Variants in DST observed in about 807,000 individuals in gnomAD.
The protein encoded by DST is bullous pemphigoid antigen.
Under a neutral mutation model 875.2 loss-of-function variants are expected in DST, and 253 were observed. The observed-to-expected ratio is 0.29, with a 90% CI of 0.26 to 0.32. The LOEUF (loss-of-function observed/expected upper bound fraction) is 0.32, where lower values mean the gene tolerates loss of function less well. Among genes scored for constraint, DST ranks in the 10% least tolerant of loss-of-function variants. DST has a pLI of 1.00. For missense variants in DST, 8,287 were observed against 9,111.6 expected, an observed-to-expected ratio of 0.91 and a Z score of 3.68; for synonymous variants, 3,124 against 3,197.1, an observed-to-expected ratio of 0.98 and a Z score of 0.77.
chr6:56,951,294 A>C (rs1292445882), intron 2 of DST, among the ~76,000 whole-genome samples: 1 of 152,232 alleles, frequency 6.6e-6, no homozygotes, highest in East Asian at 1.9e-4. Context: ...AAATGCTGAA[A>C]GTGAGTTAAT....
intron 52 of DST, 102 bp downstream of exon 52, chr6:56,572,645 C>T: frequency 1.2e-6 from 1 of 843,416 alleles, no homozygotes; most frequent in Non-Finnish European, 1.8e-6. Context: ...AATCTATAAG[C>T]AATTAAAATG....
chr6:56,616,731 C>T, intron 36 of DST: 1 of 1,614,200 alleles, frequency 6.2e-7, no homozygotes, highest in Non-Finnish European at 8.5e-7. Context: ...ATCTGGGCTT[C>T]CAAGATATGT....
chr6:56,864,605 T>G (rs573283603), intron 3 of DST, among the ~76,000 whole-genome samples: 1 of 152,186 alleles, frequency 6.6e-6, no homozygotes, highest in Admixed American at 6.5e-5. Flanking sequence ...CTTAACATCT[T>G]TAACTTGCTC....
intron 56 of DST, 128 bp downstream of exon 56, chr6:56,562,010 A>G: frequency 2.0e-6 from 1 of 497,266 alleles, no homozygotes; most frequent in Non-Finnish European, 3.4e-6. Flanking sequence ...GATTGTGACT[A>G]TTAGATTAAA....
At chr6:56,648,483 G>T in intron 13 of DST, 87 bp downstream of exon 13, 3 of 1,329,244 alleles carry the variant, frequency 2.3e-6, no homozygotes, top group South Asian at 1.7e-5. Flanking sequence ...AACTTTTGTT[G>T]AACTTCTAAA....
At chr6:56,709,036 C>T (rs529875683) in intron 5 of DST, among the ~76,000 whole-genome samples, 19 of 152,074 alleles carry the variant, frequency 1.2e-4, no homozygotes, top group Non-Finnish European at 2.5e-4. Context: ...GAGGAAGTGA[C>T]GAGCAAAGTA....
At chr6:56,903,745 A>T (rs1432382861) in intron 2 of DST, among the ~76,000 whole-genome samples, 1 of 152,208 alleles carries the variant, frequency 6.6e-6, no homozygotes, top group Non-Finnish European at 1.5e-5. Context: ...GGTGTAAGCC[A>T]TCGCATGCGG....
At chr6:56,819,757 T>C (rs35081015) in intron 4 of DST, among the ~76,000 whole-genome samples, 23,331 of 152,200 alleles carry the variant, frequency 0.15, 2,038 homozygotes, top group Non-Finnish European at 0.18. Context: ...AATGTTGCAA[T>C]GAACAAAATG....
intron 59 of DST, among the ~76,000 whole-genome samples, chr6:56,556,378 G>C (rs2097418637): frequency 6.6e-6 from 1 of 152,028 alleles, no homozygotes. Flanking sequence ...AGAATGTATA[G>C]GCTCAACTTG....
rs60577627 is a variant in DST at position 56,605,673 on chromosome 6, A to G, written c.8955T>C (p.Asn2985=). 1.2e-6 allele frequency: 2 copies of G among 1,612,926 alleles called. No homozygotes were observed. Among genetic ancestry groups the G allele is most frequent in the Non-Finnish European group, 1.7e-6 (2 of 1,179,362 alleles). The part of the protein sequence containing the change: ...SVKGKDEYFK[N]MTPKVDSSLD... The stretch of plus-strand genomic sequence containing the variant: ...GAGATGAGTCAACTTTTGGTGTCAT[A>G]TTCTTAAAATATTCATCTTTACCTT... The change falls in exon 40 of 104, where the codon AAT becomes AAC. Residue 2985 remains asparagine, a synonymous_variant. Coordinates refer to ENST00000680361, the MANE Select transcript of DST (RefSeq NM_001374736.1).
At chr6:56,673,275 A>G (rs2099111680) in intron 9 of DST, among the ~76,000 whole-genome samples, 1 of 152,158 alleles carries the variant, frequency 6.6e-6, no homozygotes, top group Non-Finnish European at 1.5e-5. Flanking sequence ...AACAAAACAA[A>G]AAAAGAAATA....
In DST at chr6:56,604,678, T is replaced by C. The variant is rs746009975; in HGVS notation, c.9950A>G (p.Asn3317Ser). 17 of 1,611,804 alleles carry C rather than the reference T, an allele frequency of 1.1e-5. No homozygotes were observed. The South Asian group carries it at 1.7e-4, about 16-fold the overall frequency. Residue 3317 changes from asparagine (N) to serine (S), a missense_variant, in exon 40 of 104, where the codon AAT becomes AGT. Asn to Ser is a conservative substitution (Grantham distance 46). Coordinates refer to ENST00000680361, the MANE Select transcript of DST (RefSeq NM_001374736.1). ...TTGCTCAATTCTTTCTTTCTTATTA[T>C]TAATTTCTAAGAATGAATAGTCAGT... ...LNTDYSFLEI[N>S]NKKERIEQQL... is the part of the protein sequence containing the mutation.
At chr6:56,780,535 T>C (rs2099691055) in intron 4 of DST, among the ~76,000 whole-genome samples, 1 of 152,104 alleles carries the variant, frequency 6.6e-6, no homozygotes, top group South Asian at 2.1e-4. Flanking sequence ...TTTTGAGAAG[T>C]GTCTGTTCAT....
intron 50 of DST, among the ~76,000 whole-genome samples, chr6:56,577,372 G>A (rs2097887967): frequency 6.6e-6 from 1 of 152,184 alleles, no homozygotes; most frequent in Non-Finnish European, 1.5e-5. Flanking sequence ...CATTGGGACA[G>A]AGGAACAAAA....
chr6:56,512,044 G>C (rs1172821706), intron 72 of DST, among the ~76,000 whole-genome samples: 1 of 151,910 alleles, frequency 6.6e-6, no homozygotes, highest in Admixed American at 6.6e-5. Context: ...ATTTATGTAT[G>C]AATCTATTCT....
intron 4 of DST, chr6:56,843,599 G>A: frequency 1.0e-6 from 1 of 984,116 alleles, no homozygotes; most frequent in Non-Finnish European, 1.2e-6. Context: ...CAGCGGTGCG[G>A]GAGGACCGGC....
intron 3 of DST, among the ~76,000 whole-genome samples, chr6:56,895,157 C>T (rs1790563286): frequency 1.3e-5 from 1 of 77,532 alleles, no homozygotes; most frequent in African/African-American, 8.2e-5. Context: ...GGGCGGGGGG[C>T]TGACCCCCCC....
intron 4 of DST, chr6:56,842,904 A>C: frequency 1.4e-6 from 1 of 691,386 alleles, no homozygotes. Flanking sequence ...GGGGTACTAA[A>C]TCCCGTGCAA....
chr6:56,789,274 C>T (rs2099710979), intron 4 of DST, among the ~76,000 whole-genome samples: 1 of 152,054 alleles, frequency 6.6e-6, no homozygotes, highest in Admixed American at 6.6e-5. Flanking sequence ...TTCAAGGTGA[C>T]AGTAAGCTAT....
Sources: gnomAD v4.1 joint callset for allele counts (sites outside exome capture counted in the v4.1 genomes callset) on GRCh38, gnomAD v4.1.1 for gene constraint, MANE v1.5 for transcripts, NCBI Gene and HGNC (gene_info 2026-07-23, HGNC 2026-07-21) for gene names.